ATRNL1: variants seen among roughly 807,000 people sequenced by gnomAD.
ATRNL1 encodes the protein attractin like 1.
ATRNL1 carries 95 observed loss-of-function variants against 182.7 expected under a neutral mutation model. The observed-to-expected ratio is 0.52, with a 90% CI of 0.44 to 0.62. The LOEUF is 0.62. Among genes scored for constraint, ATRNL1 ranks in the 20% least tolerant of loss-of-function variants. The probability of loss-of-function intolerance (pLI) is 0.00; values close to 1 mark genes in which losing one functional copy is unlikely to be tolerated. For synonymous variants in ATRNL1, 576 were observed against 568.3 expected (o/e 1.01, Z -0.19); for missense variants, 1,471 against 1,679.5 (o/e 0.88, Z 2.17).
chr10:115,181,228 A>G (rs533130751), intron 8 of ATRNL1, among the ~76,000 whole-genome samples: 1 of 152,008 alleles, frequency 6.6e-6, no homozygotes, highest in Non-Finnish European at 1.5e-5. Flanking sequence ...TGTTTTGTCC[A>G]AGTAGAAATA....
intron 11 of ATRNL1, 57 bp from the exon 12 acceptor site, chr10:115,266,740 C>A: frequency 2.1e-6 from 2 of 960,500 alleles, no homozygotes; most frequent in South Asian, 1.7e-5. Context: ...ATAACTAAAT[C>A]AGTAGATAGG....
At chr10:115,204,189 A>T (rs72836574) in intron 8 of ATRNL1, among the ~76,000 whole-genome samples, 6,201 of 151,772 alleles carry the variant, frequency 0.041, 180 homozygotes, top group Non-Finnish European at 0.066. Context: ...TTTTTTACAG[A>T]TTTTTGGTGG....
At chr10:115,451,820 C>G (rs1300457283) in intron 21 of ATRNL1, among the ~76,000 whole-genome samples, 4 of 152,116 alleles carry the variant, frequency 2.6e-5, no homozygotes, top group African/African-American at 9.7e-5. Flanking sequence ...CAAATGTCCA[C>G]TGCAGCACTG....
intron 26 of ATRNL1, among the ~76,000 whole-genome samples, chr10:115,620,541 A>G (rs1857675592): frequency 6.6e-6 from 1 of 152,212 alleles, no homozygotes; most frequent in African/African-American, 2.4e-5. Flanking sequence ...GCTAAAAAAT[A>G]TATGCTAACA....
intron 28 of ATRNL1, among the ~76,000 whole-genome samples, chr10:115,922,254 A>T (rs1412555536): frequency 6.6e-6 from 1 of 152,222 alleles, no homozygotes; most frequent in Non-Finnish European, 1.5e-5. Flanking sequence ...TCATTTGTCA[A>T]CAGGGATCTG....
At chr10:115,757,436 A>G (rs1315297128) in intron 27 of ATRNL1, among the ~76,000 whole-genome samples, 3 of 152,190 alleles carry the variant, frequency 2.0e-5, no homozygotes, top group African/African-American at 7.2e-5. Context: ...TTCGCTGGAT[A>G]TGAAATTCTG....
chr10:115,370,253 C>T (rs1564966016), intron 19 of ATRNL1, among the ~76,000 whole-genome samples: 1 of 152,108 alleles, frequency 6.6e-6, no homozygotes, highest in Non-Finnish European at 1.5e-5. Context: ...TGGACTAATA[C>T]AGTAAATTAG....
At position 115,105,035 on chromosome 10, in the gene ATRNL1, T is replaced by C. The variant is rs887265275; in HGVS notation, c.293+10992T>C. 2.0e-5 allele frequency among the ~76,000 whole-genome samples: 3 copies of C among 152,294 alleles called. No individual in the cohort carries two copies. In the East Asian group the frequency reaches 5.8e-4, roughly 29 times the overall value. ...TTGCTTAGAATGGCTTTGGCTATTC[T>C]GGGTCTTTTTGGCTCTGCATATATT... On this transcript the variant is annotated intron_variant, in intron 1 of 28. Coordinates refer to ENST00000355044, the MANE Select transcript of ATRNL1 (RefSeq NM_207303.4).
At chr10:115,869,874 A>G (rs782405943) in intron 28 of ATRNL1, among the ~76,000 whole-genome samples, 3 of 151,802 alleles carry the variant, frequency 2.0e-5, no homozygotes, top group Non-Finnish European at 4.4e-5. Context: ...TCAGCAATAT[A>G]ATTTTAATGA....
chr10:115,840,012 A>G (rs868935210), intron 27 of ATRNL1, among the ~76,000 whole-genome samples: 3 of 152,144 alleles, frequency 2.0e-5, no homozygotes, highest in Non-Finnish European at 2.9e-5. Context: ...CTTGTGCACA[A>G]TTTGGAAAAG....
intron 8 of ATRNL1, among the ~76,000 whole-genome samples, chr10:115,188,941 G>A (rs1173598520): frequency 1.3e-5 from 2 of 152,078 alleles, no homozygotes; most frequent in Non-Finnish European, 2.9e-5. Context: ...ATTAGGCTTG[G>A]CATTTGTGGT....
At chr10:115,145,612 G>A (rs1194630156) in intron 5 of ATRNL1, among the ~76,000 whole-genome samples, 1 of 152,164 alleles carries the variant, frequency 6.6e-6, no homozygotes, top group Non-Finnish European at 1.5e-5. Context: ...TTTGGATACT[G>A]TAACAAAATC....
chr10:115,503,867 C>CT (rs1376018580), intron 24 of ATRNL1, among the ~76,000 whole-genome samples: 1 of 151,568 alleles, frequency 6.6e-6, no homozygotes, highest in Non-Finnish European at 1.5e-5. Flanking sequence ...TTTCTTTAAG[C>CT]TTTTTTACCA....
At chr10:115,102,236 C>T (rs749067095) in intron 1 of ATRNL1, among the ~76,000 whole-genome samples, 119 of 152,126 alleles carry the variant, frequency 7.8e-4, no homozygotes, top group Non-Finnish European at 1.5e-3. Flanking sequence ...GAGCCTTTAT[C>T]GTTATCCAAT....
At chr10:115,795,339 A>G (rs548512757) in intron 27 of ATRNL1, among the ~76,000 whole-genome samples, 1 of 152,290 alleles carries the variant, frequency 6.6e-6, no homozygotes, top group African/African-American at 2.4e-5. Flanking sequence ...ATCTGTTCCC[A>G]TATTTATAAC....
chr10:115,175,098 G>T (rs1847448880), intron 8 of ATRNL1, among the ~76,000 whole-genome samples: 1 of 151,694 alleles, frequency 6.6e-6, no homozygotes, highest in Non-Finnish European at 1.5e-5. Flanking sequence ...TACCTACATG[G>T]GTCCACCTTC....
At chr10:115,819,843 T>C (rs1247073659) in intron 27 of ATRNL1, 1 of 152,000 alleles carries the variant, frequency 6.6e-6, no homozygotes, top group Non-Finnish European at 1.5e-5. Flanking sequence ...AGCAGGTCTT[T>C]TTCTCCTCAC....
intron 18 of ATRNL1, among the ~76,000 whole-genome samples, chr10:115,329,127 T>C (rs572699687): frequency 1.3e-5 from 2 of 152,234 alleles, no homozygotes; most frequent in East Asian, 3.9e-4. Flanking sequence ...ATTTGTTTTT[T>C]TCACTGTCAA....
intron 28 of ATRNL1, among the ~76,000 whole-genome samples, chr10:115,903,716 C>T (rs1427414491): frequency 1.3e-5 from 2 of 152,154 alleles, no homozygotes; most frequent in African/African-American, 4.8e-5. Flanking sequence ...AAAGAATCAT[C>T]TATATTTTTC....
Sources: gnomAD v4.1 joint callset for allele counts (sites outside exome capture counted in the v4.1 genomes callset) on GRCh38, gnomAD v4.1.1 for gene constraint, MANE v1.5 for transcripts, NCBI Gene and HGNC (gene_info 2026-07-23, HGNC 2026-07-21) for gene names.